The following UGT2B15 variants were observed in gnomAD, a reference collection of about 807,000 sequenced individuals.
UGT2B15 encodes the protein UDP glucuronosyltransferase family 2 member B15.
Under a neutral mutation model 45.9 loss-of-function variants are expected in UGT2B15, and 36 were observed. The ratio of observed to expected loss-of-function variants is 0.78; its 90% confidence interval spans 0.60 to 1.04. UGT2B15 has a LOEUF of 1.04. UGT2B15 is among the 50% of genes least tolerant of loss of function. The pLI, the probability that UGT2B15 is intolerant of heterozygous loss-of-function variation, is 0.00. For missense variants in UGT2B15, 617 were observed against 622.4 expected (o/e 0.99, Z 0.09); for synonymous variants, 219 against 216.4 (o/e 1.01, Z -0.11).
intron 5 of UGT2B15, among the ~76,000 whole-genome samples, chr4:68,650,345 T>C (rs952818924): frequency 1.7e-4 from 26 of 151,972 alleles, no homozygotes; most frequent in African/African-American, 5.8e-4. Context: ...TTCCCCTCCC[T>C]GAGTCCATGT....
chr4:68,651,931 G>A (rs1194235196), intron 5 of UGT2B15, among the ~76,000 whole-genome samples: 1 of 151,954 alleles, frequency 6.6e-6, no homozygotes, highest in African/African-American at 2.4e-5. Context: ...TAGTTTGATG[G>A]GAATAGCTTT....
At chr4:68,658,541 GC>G (rs1732874580) in intron 3 of UGT2B15, among the ~76,000 whole-genome samples, 2 of 152,086 alleles carry the variant, frequency 1.3e-5, no homozygotes, top group South Asian at 4.2e-4. Context: ...TGTAAACCAA[GC>G]CCAAAACAGA....
chr4:68,652,788 A>T (rs1359653354), intron 5 of UGT2B15, among the ~76,000 whole-genome samples: 1 of 151,950 alleles, frequency 6.6e-6, no homozygotes, highest in Non-Finnish European at 1.5e-5. Context: ...AAGGGATTGT[A>T]TCTATAATAT....
At chr4:68,669,785 C>A in intron 1 of UGT2B15, 110 bp downstream of exon 1, 2 of 1,421,046 alleles carry the variant, frequency 1.4e-6, no homozygotes, top group South Asian at 1.4e-5. Context: ...ATTTGCAATT[C>A]ATAATTTCCC....
chr4:68,670,174 TGAC>T lies in UGT2B15; in HGVS notation c.442_444del (p.Val148del). 2 of 1,614,106 alleles carry T rather than the reference TGAC, an allele frequency of 1.2e-6. No individual in the cohort carries two copies. The highest frequency in any genetic ancestry group is 1.7e-6 in the Non-Finnish European group (2 of 1,179,984). ...CAGGGATTAAGGGCATCTGCCAGAA[TGAC>T]ATCAAACTTTGACTCTTGTAGTTTC... On this transcript the variant is annotated inframe_deletion, in exon 1 of 6. Coordinates refer to ENST00000338206, the MANE Select transcript of UGT2B15 (RefSeq NM_001076.4).
intron 3 of UGT2B15, among the ~76,000 whole-genome samples, chr4:68,657,183 T>C (rs1281229483): frequency 6.6e-6 from 1 of 152,188 alleles, no homozygotes; most frequent in Non-Finnish European, 1.5e-5. Context: ...AAAGGGCATC[T>C]GCTCCTCCCA....
At chr4:68,655,634 C>T (rs1732781754) in intron 3 of UGT2B15, among the ~76,000 whole-genome samples, 1 of 152,036 alleles carries the variant, frequency 6.6e-6, no homozygotes, top group Non-Finnish European at 1.5e-5. Flanking sequence ...TCTCATCTAC[C>T]TATGACCTGG....
intron 2 of UGT2B15, among the ~76,000 whole-genome samples, chr4:68,665,550 A>G (rs1289710347): frequency 6.6e-6 from 1 of 152,088 alleles, no homozygotes; most frequent in African/African-American, 2.4e-5. Context: ...GTTTCATGTG[A>G]GTATATTATA....
intron 3 of UGT2B15, among the ~76,000 whole-genome samples, chr4:68,656,186 ACT>A (rs1437863504): frequency 6.6e-6 from 1 of 151,868 alleles, no homozygotes; most frequent in Non-Finnish European, 1.5e-5. Flanking sequence ...AAGGCAGGTA[ACT>A]CTATGGAGTT....
chr4:68,665,217 A>T (rs1334124382), intron 2 of UGT2B15, among the ~76,000 whole-genome samples: 1 of 152,226 alleles, frequency 6.6e-6, no homozygotes, highest in East Asian at 1.9e-4. Flanking sequence ...TATGGGTTTA[A>T]TTCTATTTAT....
chr4:68,660,871 A>T lies in UGT2B15; in HGVS notation c.1005+2137T>A, dbSNP rs564041634. On this transcript the variant is annotated intron_variant, in intron 3 of 5. Coordinates refer to ENST00000338206, the MANE Select transcript of UGT2B15 (RefSeq NM_001076.4). ...CTCCAGAAGAAAATAACAGCAACCA[A>T]TTTACATACATAATCCACTTTCATA... is the stretch of plus-strand genomic sequence containing the variant. Among the ~76,000 whole-genome samples, 508 of 151,950 alleles carry T rather than the reference A, an allele frequency of 3.3e-3. 9 individuals carry two copies. Among genetic ancestry groups the T allele is most frequent in the African/African-American group, 0.011 (475 of 41,464 alleles).
chr4:68,666,798 G>C, intron 2 of UGT2B15, among the ~76,000 whole-genome samples: 1 of 147,688 alleles, frequency 6.8e-6, no homozygotes, highest in East Asian at 2.0e-4. Context: ...CCAGGCTGGA[G>C]TGCAATAGCG....
chr4:68,652,491 C>T (rs1429798782), intron 5 of UGT2B15, among the ~76,000 whole-genome samples: 5 of 150,766 alleles, frequency 3.3e-5, no homozygotes, highest in Non-Finnish European at 5.9e-5. Flanking sequence ...TAAATCATTT[C>T]TTGTCTTACT....
At chr4:68,658,474 T>G (rs1296047517) in intron 3 of UGT2B15, among the ~76,000 whole-genome samples, 1 of 152,154 alleles carries the variant, frequency 6.6e-6, no homozygotes, top group Admixed American at 6.5e-5. Flanking sequence ...AGCAATTTCA[T>G]ACTTATTGTT....
At chr4:68,664,223 A>G (rs1203769488) in intron 2 of UGT2B15, among the ~76,000 whole-genome samples, 4 of 151,736 alleles carry the variant, frequency 2.6e-5, no homozygotes, top group African/African-American at 9.7e-5. Flanking sequence ...TTTTAAACTT[A>G]AATCCATTCT....
intron 2 of UGT2B15, among the ~76,000 whole-genome samples, chr4:68,667,189 G>A (rs1378050731): frequency 4.0e-5 from 6 of 150,612 alleles, no homozygotes; most frequent in Non-Finnish European, 8.9e-5. Flanking sequence ...TTGAGACAGA[G>A]TCTCGCTCTG....
Position 68,654,225 on chromosome 4 carries a change from A to G in UGT2B15, c.1125T>C (p.His375=). 6.2e-7 allele frequency: 1 copy of G among 1,613,604 alleles called. No homozygotes were observed. The highest frequency in any genetic ancestry group is 8.5e-7 in the Non-Finnish European group (1 of 1,179,660). The change falls in exon 5 of 6, where the codon CAT becomes CAC. Residue 375 remains histidine (H), a synonymous_variant. Transcript: ENST00000338206. ...CCTCATAGATGCCATTGGTTCCACC[A>G]TGAGTTATAAAAGCTTTGGTTTTGG... The part of the protein sequence containing the change: ...GHPKTKAFIT[H]GGTNGIYEAI...
intron 2 of UGT2B15, among the ~76,000 whole-genome samples, chr4:68,665,703 A>G (rs915630255): frequency 9.2e-5 from 14 of 152,192 alleles, no homozygotes; most frequent in African/African-American, 3.4e-4. Flanking sequence ...TTTTGTGTAC[A>G]AAAGAATTAG....
chr4:68,652,672 T>C (rs1732690555), intron 5 of UGT2B15, among the ~76,000 whole-genome samples: 1 of 151,596 alleles, frequency 6.6e-6, no homozygotes, highest in Admixed American at 6.6e-5. Context: ...ATATTTATTT[T>C]ATCAACATTG....
Sources: gnomAD v4.1 joint callset for allele counts (sites outside exome capture counted in the v4.1 genomes callset) on GRCh38, gnomAD v4.1.1 for gene constraint, MANE v1.5 for transcripts, NCBI Gene and HGNC (gene_info 2026-07-23, HGNC 2026-07-21) for gene names.